CHRNA7: variants seen among roughly 807,000 people sequenced by gnomAD.
The protein encoded by CHRNA7 is neuronal acetylcholine receptor subunit alpha-7.
Under a neutral mutation model 48.0 loss-of-function variants are expected in CHRNA7, and 17 were observed. The ratio of observed to expected loss-of-function variants is 0.35; its 90% CI spans 0.24 to 0.53. CHRNA7 has a LOEUF of 0.53. Ranked by LOEUF, CHRNA7 falls within the 20% of genes least tolerant of loss-of-function variation. The pLI is 0.92. For synonymous variants in CHRNA7, 75 were observed against 242.3 expected, an observed-to-expected ratio of 0.31 and a Z score of 6.41; for missense variants, 155 against 577.7, an observed-to-expected ratio of 0.27 and a Z score of 7.50.
rs1173884527 is a variant in CHRNA7, at chr15:32,030,924, AAGCTTTACAAGG to A, written c.87_98del (p.Tyr30_Leu33del). The A allele has an allele frequency of 6.2e-7, 1 of 1,613,974 alleles. No individual in the cohort carries two copies. Among genetic ancestry groups the A allele is most frequent in the Non-Finnish European group, 8.5e-7 (1 of 1,180,000 alleles). On this transcript the variant is annotated inframe_deletion, in exon 2 of 10. Coordinates refer to ENST00000306901, the MANE Select transcript of CHRNA7 (RefSeq NM_000746.6). ...GTCCCTGCAAGGCGAGTTCCAGAGG[AAGCTTTACAAGG>A]AGCTGGTCAAGAACTACAATCCCTT...
chr15:32,062,099 T>G (rs2049888776), intron 2 of CHRNA7, among the ~76,000 whole-genome samples: 1 of 152,180 alleles, frequency 6.6e-6, no homozygotes, highest in Non-Finnish European at 1.5e-5. Context: ...CAATTCTAAC[T>G]CTTTTAGCTG....
chr15:32,157,550 T>C, intron 5 of CHRNA7, 58 bp from the exon 6 acceptor site: 2 of 626,044 alleles, frequency 3.2e-6, no homozygotes, highest in Admixed American at 5.1e-5. Flanking sequence ...CTGCTGTGTA[T>C]TTTCAGCACA....
intron 2 of CHRNA7, among the ~76,000 whole-genome samples, chr15:32,060,407 ATAAAT>A (rs986577906): frequency 1.5e-4 from 23 of 152,358 alleles, no homozygotes; most frequent in Admixed American, 4.6e-4. Context: ...TATAGAAAAA[ATAAAT>A]TATGCATTTT....
intron 2 of CHRNA7, among the ~76,000 whole-genome samples, chr15:32,054,397 GGT>G (rs2141193932): frequency 6.6e-6 from 1 of 151,904 alleles, no homozygotes; most frequent in African/African-American, 2.4e-5. Flanking sequence ...CTGTGTTAAA[GGT>G]CTCTCGTAGA....
chr15:32,091,220 G>A (rs556414264), intron 2 of CHRNA7, among the ~76,000 whole-genome samples: 3 of 151,804 alleles, frequency 2.0e-5, no homozygotes, highest in East Asian at 3.9e-4. Flanking sequence ...GTATTTTTGG[G>A]GGCTTATTCC....
chr15:32,095,714 G>A (rs1457227538), intron 2 of CHRNA7, among the ~76,000 whole-genome samples: 3 of 152,186 alleles, frequency 2.0e-5, no homozygotes, highest in Non-Finnish European at 2.9e-5. Context: ...ATGAAAAAAA[G>A]ATTTGACTCA....
chr15:32,152,926 C>A (rs2141363362), intron 4 of CHRNA7, among the ~76,000 whole-genome samples: 1 of 152,076 alleles, frequency 6.6e-6, no homozygotes, highest in Admixed American at 6.6e-5. Flanking sequence ...GGGTGTGTGT[C>A]CTTTATCCCA....
intron 2 of CHRNA7, among the ~76,000 whole-genome samples, chr15:32,079,089 T>G (rs895664542): frequency 6.6e-6 from 1 of 152,170 alleles, no homozygotes; most frequent in Non-Finnish European, 1.5e-5. Context: ...AGGACTTTGA[T>G]AAAATTAAAC....
At chr15:32,109,896 G>C (rs2050734481) in intron 3 of CHRNA7, among the ~76,000 whole-genome samples, 1 of 152,174 alleles carries the variant, frequency 6.6e-6, no homozygotes, top group Admixed American at 6.5e-5. Context: ...GTACAGCTCT[G>C]GCTGTGCCTT....
intron 2 of CHRNA7, among the ~76,000 whole-genome samples, chr15:32,046,991 G>A (rs1413251212): frequency 5.3e-5 from 8 of 150,958 alleles, no homozygotes; most frequent in East Asian, 2.0e-4. Flanking sequence ...GATATGCGGC[G>A]TTATTTCTGA....
intron 4 of CHRNA7, among the ~76,000 whole-genome samples, chr15:32,148,425 C>T (rs1324992280): frequency 6.6e-6 from 1 of 152,168 alleles, no homozygotes; most frequent in East Asian, 1.9e-4. Flanking sequence ...GCCTCCCGTG[C>T]TCAGCCGTAG....
At chr15:32,138,498 A>G (rs1463041661) in intron 4 of CHRNA7, among the ~76,000 whole-genome samples, 1 of 148,982 alleles carries the variant, frequency 6.7e-6, no homozygotes, top group African/African-American at 2.5e-5. Context: ...CCAGGGCCGT[A>G]CAATTGAAAT....
chr15:32,120,267 G>A (rs577440935), intron 4 of CHRNA7, among the ~76,000 whole-genome samples: 14 of 152,200 alleles, frequency 9.2e-5, no homozygotes, highest in Middle Eastern at 3.4e-3. Context: ...GGTCTCTTGT[G>A]CTTTATTTTC....
chr15:32,078,066 G>A lies in CHRNA7; in HGVS notation c.196-23237G>A, dbSNP rs191048540. ...GGTCTTTGGCCTATTTTTAAATTGG[G>A]TTGCTTGTTTTCTTTTTGTTGAATT... On this transcript the variant is annotated intron_variant, in intron 2 of 9. Coordinates refer to ENST00000306901, the MANE Select transcript of CHRNA7 (RefSeq NM_000746.6). 8.3e-4 allele frequency among the ~76,000 whole-genome samples: 126 copies of A among 152,258 alleles called. 1 individual carries two copies. The highest frequency in any genetic ancestry group is 2.9e-3 in the African/African-American group (122 of 41,568).
intron 2 of CHRNA7, 35 bp downstream of exon 2, chr15:32,031,072 C>A (rs201301097): frequency 5.0e-6 from 8 of 1,611,512 alleles, no homozygotes; most frequent in South Asian, 1.1e-5. Flanking sequence ...TGCCCTCTCC[C>A]CTTCCTGGGC....
chr15:32,087,052 A>G (rs1246617100), intron 2 of CHRNA7, among the ~76,000 whole-genome samples: 1 of 152,212 alleles, frequency 6.6e-6, no homozygotes, highest in East Asian at 1.9e-4. Context: ...AGCCCAAATT[A>G]GGGAGTGGAA....
At chr15:32,093,333 G>A (rs1432510854) in intron 2 of CHRNA7, among the ~76,000 whole-genome samples, 1 of 152,120 alleles carries the variant, frequency 6.6e-6, no homozygotes, top group Non-Finnish European at 1.5e-5. Context: ...GAGATAGGGG[G>A]CCCTTTCTCA....
chr15:32,069,223 G>A (rs1285336537), intron 2 of CHRNA7, among the ~76,000 whole-genome samples: 1 of 151,952 alleles, frequency 6.6e-6, no homozygotes, highest in Non-Finnish European at 1.5e-5. Flanking sequence ...ATTTCCTAAG[G>A]GTCAAGTATC....
intron 2 of CHRNA7, among the ~76,000 whole-genome samples, chr15:32,069,137 T>G (rs12591836): frequency 0.037 from 5,605 of 152,276 alleles, 140 homozygotes; most frequent in Middle Eastern, 0.099. Context: ...TTAGACCTAA[T>G]AGACACATCT....
Sources: allele counts gnomAD v4.1 joint callset (sites outside exome capture counted in the v4.1 genomes callset), GRCh38; gene constraint gnomAD v4.1.1; transcripts MANE v1.5; gene names NCBI Gene and HGNC (gene_info 2026-07-23, HGNC 2026-07-21).